Variants in UGT1A7 observed in about 807,000 individuals in gnomAD.
The protein encoded by UGT1A7 is UDP-glucuronosyltransferase 1A7.
A neutral mutation model predicts 45.6 loss-of-function variants in UGT1A7; 33 were observed. That is an observed-to-expected ratio of 0.72 (90% CI 0.55 to 0.97). The LOEUF is 0.97. Ranked by LOEUF, UGT1A7 falls within the 50% of genes least tolerant of loss-of-function variation. UGT1A7 has a pLI of 0.00. For missense variants in UGT1A7, 684 were observed against 666.2 expected (o/e 1.03, Z -0.29); for synonymous variants, 274 against 250.6 (o/e 1.09, Z -0.88).
At chr2:233,704,341 G>A (rs188654230) in intron 1 of UGT1A7, among the ~76,000 whole-genome samples, 1 of 137,544 alleles carries the variant, frequency 7.3e-6, no homozygotes, top group East Asian at 2.1e-4. Flanking sequence ...TATTTAAAAA[G>A]TTGTGTTCTG....
chr2:233,717,764 C>T (rs1326469547), intron 1 of UGT1A7: 3 of 456,554 alleles, frequency 6.6e-6, no homozygotes, highest in Non-Finnish European at 1.3e-5. Context: ...GAAAGGCACA[C>T]ATTTAATTCT....
At chr2:233,738,215 A>G (rs927290766) in intron 1 of UGT1A7, among the ~76,000 whole-genome samples, 4 of 152,078 alleles carry the variant, frequency 2.6e-5, no homozygotes, top group African/African-American at 9.7e-5. Context: ...TGCCAGGATT[A>G]TAAGTTTCCT....
intron 1 of UGT1A7, among the ~76,000 whole-genome samples, chr2:233,698,365 C>T (rs1046100549): frequency 1.3e-5 from 2 of 152,148 alleles, no homozygotes; most frequent in African/African-American, 4.8e-5. Context: ...TGCTGAATGC[C>T]ATGAAATTGT....
chr2:233,715,167 C>T (rs767247099), intron 1 of UGT1A7, among the ~76,000 whole-genome samples: 6 of 152,042 alleles, frequency 3.9e-5, no homozygotes, highest in Non-Finnish European at 7.4e-5. Flanking sequence ...ATTACAGGCG[C>T]GAGCCACCAC....
intron 1 of UGT1A7, chr2:233,752,529 C>A (rs570345449): frequency 1.3e-5 from 2 of 152,130 alleles, no homozygotes; most frequent in Non-Finnish European, 2.9e-5. Context: ...TCTAAAAATT[C>A]TTTAAATAAA....
At chr2:233,763,451 A>G (rs1353654111) in intron 1 of UGT1A7, among the ~76,000 whole-genome samples, 1 of 152,150 alleles carries the variant, frequency 6.6e-6, no homozygotes, top group African/African-American at 2.4e-5. Flanking sequence ...CATTTTGCCT[A>G]TTTGAATCTA....
At chr2:233,696,152 T>C (rs753392711) in intron 1 of UGT1A7, among the ~76,000 whole-genome samples, 1 of 152,196 alleles carries the variant, frequency 6.6e-6, no homozygotes, top group Non-Finnish European at 1.5e-5. Context: ...GCTGGGTATA[T>C]ATCCAAAAGA....
chr2:233,757,503 A>G (rs1469765233), intron 1 of UGT1A7, among the ~76,000 whole-genome samples: 5 of 137,398 alleles, frequency 3.6e-5, no homozygotes, highest in African/African-American at 1.1e-4. Context: ...GAGTGATAGC[A>G]TGATTCCAAA....
At chr2:233,742,268 G>C (rs1474936757) in intron 1 of UGT1A7, among the ~76,000 whole-genome samples, 3 of 152,000 alleles carry the variant, frequency 2.0e-5, no homozygotes, top group African/African-American at 7.3e-5. Flanking sequence ...CAGCAAGCCT[G>C]TGATAAGCAT....
At chr2:233,709,707 T>A (rs1363464719) in intron 1 of UGT1A7, among the ~76,000 whole-genome samples, 1 of 152,230 alleles carries the variant, frequency 6.6e-6, no homozygotes, top group Admixed American at 6.5e-5. Flanking sequence ...TGTTCTTTTT[T>A]AATTGAATGA....
At chr2:233,742,048 G>A (rs1013653818) in intron 1 of UGT1A7, 2 of 151,922 alleles carry the variant, frequency 1.3e-5, no homozygotes, top group Non-Finnish European at 2.9e-5. Context: ...ATAGCAATAG[G>A]ATAGTTCTGT....
At chr2:233,704,547 A>ATTACT (rs1423420833) in intron 1 of UGT1A7, among the ~76,000 whole-genome samples, 1 of 152,170 alleles carries the variant, frequency 6.6e-6, no homozygotes, top group African/African-American at 2.4e-5. Flanking sequence ...TGGTGATAAT[A>ATTACT]TTACTTTATA....
At chr2:233,690,749 C>G in intron 1 of UGT1A7, 1 of 1,180,016 alleles carries the variant, frequency 8.5e-7, no homozygotes, top group South Asian at 1.6e-5. Flanking sequence ...GGCTAGTGTC[C>G]AGTGCAGACA....
intron 1 of UGT1A7, among the ~76,000 whole-genome samples, chr2:233,751,857 T>A (rs1270227415): frequency 6.6e-6 from 1 of 152,184 alleles, no homozygotes; most frequent in African/African-American, 2.4e-5. Context: ...ACCTTTGTCT[T>A]TTATAAATTA....
At chr2:233,759,117 T>G (rs1697059369) in intron 1 of UGT1A7, among the ~76,000 whole-genome samples, 2 of 152,238 alleles carry the variant, frequency 1.3e-5, no homozygotes, top group African/African-American at 4.8e-5. Flanking sequence ...ACCAGGGAGT[T>G]ACAGCCTCTG....
At chr2:233,754,747 A>G (rs527716521) in intron 1 of UGT1A7, 1 of 765,704 alleles carries the variant, frequency 1.3e-6, no homozygotes, top group African/African-American at 1.8e-5. Context: ...GACATGCAGA[A>G]GGAAGAAAGG....
intron 4 of UGT1A7, 140 bp from the exon 5 acceptor site, chr2:233,772,122 C>T (rs749512514): frequency 2.9e-5 from 45 of 1,536,534 alleles, no homozygotes; most frequent in Non-Finnish European, 3.9e-5. Flanking sequence ...CTAAAAACAA[C>T]AACAACAACA....
Position 233,763,798 on chromosome 2 carries a change from A to G in UGT1A7, c.856-3236A>G, listed in dbSNP as rs551390932. ...GAACAACATTGGGAGAAAAGGAATG[A>G]AACTCAAGAATTCCAAGATGTTCCT... On this transcript the variant is annotated intron_variant, in intron 1 of 4. Coordinates refer to ENST00000373426, the MANE Select transcript of UGT1A7 (RefSeq NM_019077.3). Among the ~76,000 whole-genome samples, 8 of 152,368 alleles carry G rather than the reference A, an allele frequency of 5.3e-5. No individual in the cohort carries two copies. The South Asian group carries it at 1.0e-3, about 20-fold the overall frequency.
At chr2:233,754,192 G>A (rs1695415440) in intron 1 of UGT1A7, 1 of 162,150 alleles carries the variant, frequency 6.2e-6, no homozygotes. Flanking sequence ...CCACCACACA[G>A]TAAAACATTG....
Sources: gnomAD v4.1 joint callset for allele counts (sites outside exome capture counted in the v4.1 genomes callset) on GRCh38, gnomAD v4.1.1 for gene constraint, MANE v1.5 for transcripts, NCBI Gene and HGNC (gene_info 2026-07-23, HGNC 2026-07-21) for gene names.